Variants in NEK11 observed in about 807,000 individuals in gnomAD.
The protein encoded by NEK11 is serine/threonine-protein kinase Nek11.
NEK11 carries 72 observed loss-of-function variants against 80.7 expected under a neutral mutation model. That is an observed-to-expected ratio of 0.89 (90% confidence interval 0.74 to 1.08). The LOEUF (loss-of-function observed/expected upper bound fraction) is 1.08, where lower values mean the gene tolerates loss of function less well. Among genes scored for constraint, NEK11 ranks in the 50% least tolerant of loss-of-function variants. The probability of loss-of-function intolerance (pLI) is 0.00; values close to 1 mark genes in which losing one functional copy is unlikely to be tolerated. For missense variants in NEK11, 764 were observed against 763.6 expected (o/e 1.00, Z -0.01); for synonymous variants, 251 against 260.7 (o/e 0.96, Z 0.36).
At chr3:131,040,140 A>G (rs560195811) in intron 3 of NEK11, among the ~76,000 whole-genome samples, 1 of 152,302 alleles carries the variant, frequency 6.6e-6, no homozygotes, top group Non-Finnish European at 1.5e-5. Flanking sequence ...TGTGAAATTG[A>G]ATTTCCATTC....
chr3:131,169,438 CT>C (rs1560765572), intron 13 of NEK11, among the ~76,000 whole-genome samples: 1 of 152,186 alleles, frequency 6.6e-6, no homozygotes, highest in African/African-American at 2.4e-5. Flanking sequence ...TTTTCAGACC[CT>C]AGCTGACAAG....
intron 17 of NEK11, among the ~76,000 whole-genome samples, chr3:131,288,916 TA>T (rs1356114854): frequency 6.6e-6 from 1 of 152,234 alleles, no homozygotes; most frequent in Non-Finnish European, 1.5e-5. Flanking sequence ...GGGTAGATAG[TA>T]ATAAATAAAT....
intron 4 of NEK11, among the ~76,000 whole-genome samples, chr3:131,100,690 G>T (rs553689962): frequency 6.6e-6 from 1 of 152,112 alleles, no homozygotes; most frequent in Non-Finnish European, 1.5e-5. Context: ...ATGGATATTG[G>T]CCTGAAGTTC....
At chr3:131,159,640 C>T (rs891387665) in intron 10 of NEK11, among the ~76,000 whole-genome samples, 2 of 152,096 alleles carry the variant, frequency 1.3e-5, no homozygotes, top group Non-Finnish European at 2.9e-5. Context: ...TGGTATGTGC[C>T]TGTAATCCCA....
chr3:131,202,136 G>A (rs1224158656), intron 14 of NEK11, among the ~76,000 whole-genome samples: 1 of 152,126 alleles, frequency 6.6e-6, no homozygotes, highest in African/African-American at 2.4e-5. Context: ...TTCCAAGAGG[G>A]CGGAATAGGA....
intron 17 of NEK11, among the ~76,000 whole-genome samples, chr3:131,346,675 T>C (rs2097367977): frequency 6.6e-6 from 1 of 152,084 alleles, no homozygotes. Flanking sequence ...GGAGTGAGTA[T>C]ATGAGGTTAC....
At chr3:131,052,391 C>G (rs1000087686) in intron 3 of NEK11, among the ~76,000 whole-genome samples, 26 of 152,154 alleles carry the variant, frequency 1.7e-4, no homozygotes, top group African/African-American at 6.3e-4. Flanking sequence ...CTATTTCTTG[C>G]ATGAATTTTT....
At chr3:131,268,892 G>A (rs2096119200) in intron 16 of NEK11, among the ~76,000 whole-genome samples, 1 of 152,202 alleles carries the variant, frequency 6.6e-6, no homozygotes, top group Admixed American at 6.5e-5. Flanking sequence ...CATTGGCTCT[G>A]TCCCAGGGAG....
intron 17 of NEK11, among the ~76,000 whole-genome samples, chr3:131,283,064 G>T (rs1356447998): frequency 2.6e-5 from 4 of 152,122 alleles, no homozygotes; most frequent in African/African-American, 9.7e-5. Context: ...TAAAGAGTTT[G>T]TATTTCAAGA....
At chr3:131,283,297 ATTTGTTTT>A (rs1453895493) in intron 17 of NEK11, among the ~76,000 whole-genome samples, 4 of 152,074 alleles carry the variant, frequency 2.6e-5, no homozygotes, top group African/African-American at 9.7e-5. Context: ...TCTGGAACCT[ATTTGTTTT>A]CATTTGGTAG....
chr3:131,164,120 G>T (rs1052390142), intron 11 of NEK11, among the ~76,000 whole-genome samples: 1 of 152,148 alleles, frequency 6.6e-6, no homozygotes. Flanking sequence ...CTATTTTCCC[G>T]TAACATTTGC....
chr3:131,039,234 G>C (rs911841718), intron 3 of NEK11, among the ~76,000 whole-genome samples: 11 of 152,020 alleles, frequency 7.2e-5, no homozygotes, highest in African/African-American at 2.7e-4. Context: ...AATAAAAAGT[G>C]AGCTGATTTT....
intron 17 of NEK11, among the ~76,000 whole-genome samples, chr3:131,343,591 T>C (rs2097317131): frequency 6.6e-6 from 1 of 152,204 alleles, no homozygotes; most frequent in Non-Finnish European, 1.5e-5. Flanking sequence ...GGCTTCTGTC[T>C]GAACACCAGG....
chr3:131,190,712 C>T (rs539489506), intron 14 of NEK11, among the ~76,000 whole-genome samples: 3 of 152,222 alleles, frequency 2.0e-5, no homozygotes, highest in East Asian at 1.9e-4. Flanking sequence ...TGGACTAATA[C>T]GCTATGGTAA....
chr3:131,345,915 T>C (rs1195928491), intron 17 of NEK11, among the ~76,000 whole-genome samples: 3 of 150,418 alleles, frequency 2.0e-5, no homozygotes, highest in African/African-American at 4.9e-5. Flanking sequence ...AAGTGAAAAA[T>C]AGCCAGACAT....
chr3:131,291,049 T>C (rs1406944768), intron 17 of NEK11, among the ~76,000 whole-genome samples: 6 of 152,204 alleles, frequency 3.9e-5, no homozygotes, highest in Admixed American at 2.6e-4. Context: ...TATAGTATCA[T>C]ACAGAATAGT....
chr3:131,154,026 C>A (rs751612177), intron 9 of NEK11, among the ~76,000 whole-genome samples: 8 of 152,068 alleles, frequency 5.3e-5, no homozygotes, highest in Non-Finnish European at 1.0e-4. Flanking sequence ...CAGAGAGGTC[C>A]TGATTATGTT....
intron 3 of NEK11, among the ~76,000 whole-genome samples, chr3:131,056,256 TAG>T (rs1392516989): frequency 7.9e-5 from 12 of 152,218 alleles, no homozygotes; most frequent in African/African-American, 2.9e-4. Flanking sequence ...GGAATTGGAA[TAG>T]AGAGATCTAG....
At chr3:131,028,041 A>T (rs965296915) in intron 2 of NEK11, 39 bp downstream of exon 2, 3 of 152,248 alleles carry the variant, frequency 2.0e-5, no homozygotes, top group Admixed American at 1.3e-4. Context: ...TAGTATGGCC[A>T]GACGGCATCA....
Sources: allele counts gnomAD v4.1 joint callset (sites outside exome capture counted in the v4.1 genomes callset), GRCh38; gene constraint gnomAD v4.1.1; transcripts MANE v1.5; gene names NCBI Gene and HGNC (gene_info 2026-07-23, HGNC 2026-07-21).